Variants in ROBO2 observed in about 807,000 individuals in gnomAD.
The protein encoded by ROBO2 is roundabout homolog 2.
ROBO2 carries 53 observed loss-of-function variants against 160.8 expected under a neutral mutation model. That is an observed-to-expected ratio of 0.33 (90% CI 0.26 to 0.41). The LOEUF is 0.41. ROBO2 is among the 10% of genes least tolerant of loss of function. The probability of loss-of-function intolerance (pLI) is 1.00; values close to 1 mark genes in which losing one functional copy is unlikely to be tolerated. For synonymous variants in ROBO2, 664 were observed against 611.7 expected, an observed-to-expected ratio of 1.09 and a Z score of -1.26; for missense variants, 1,577 against 1,722.4, an observed-to-expected ratio of 0.92 and a Z score of 1.49.
At chr3:76,647,100 G>A (rs2091008292) in intron 2 of ROBO2, among the ~76,000 whole-genome samples, 1 of 152,278 alleles carries the variant, frequency 6.6e-6, no homozygotes. Context: ...AGGAGGCTGC[G>A]TTGCTCGTCT....
intron 2 of ROBO2, among the ~76,000 whole-genome samples, chr3:76,016,883 A>G (rs2066420997): frequency 6.6e-6 from 1 of 152,092 alleles, no homozygotes; most frequent in African/African-American, 2.4e-5. Flanking sequence ...ACAAATGAAG[A>G]CTAAACGTTT....
At chr3:76,177,408 T>A (rs553625002) in intron 2 of ROBO2, among the ~76,000 whole-genome samples, 1 of 152,304 alleles carries the variant, frequency 6.6e-6, no homozygotes, top group African/African-American at 2.4e-5. Flanking sequence ...AAGAATTCAA[T>A]TCCACTTAAA....
At chr3:76,290,216 C>A (rs1034343096) in intron 2 of ROBO2, among the ~76,000 whole-genome samples, 40 of 152,090 alleles carry the variant, frequency 2.6e-4, no homozygotes, top group South Asian at 2.1e-4. Flanking sequence ...TTTCTTTCAC[C>A]AGTGTTTTGT....
intron 8 of ROBO2, among the ~76,000 whole-genome samples, chr3:77,555,223 C>T (rs2093068480): frequency 6.6e-6 from 1 of 151,902 alleles, no homozygotes; most frequent in Non-Finnish European, 1.5e-5. Flanking sequence ...ATAGTGTAAA[C>T]ATAGCTTTTA....
chr3:76,442,331 T>C (rs995081927), intron 2 of ROBO2, among the ~76,000 whole-genome samples: 1 of 152,182 alleles, frequency 6.6e-6, no homozygotes, highest in Non-Finnish European at 1.5e-5. Context: ...ATCAGGATGC[T>C]CTCAAGGGTG....
At chr3:76,098,704 C>T (rs1165410234) in intron 2 of ROBO2, among the ~76,000 whole-genome samples, 1 of 152,032 alleles carries the variant, frequency 6.6e-6, no homozygotes, top group Non-Finnish European at 1.5e-5. Context: ...AATAATGGCT[C>T]TTAACAAAGT....
chr3:77,504,854 G>C (rs757462371), intron 5 of ROBO2, among the ~76,000 whole-genome samples: 14 of 152,108 alleles, frequency 9.2e-5, no homozygotes, highest in Non-Finnish European at 1.3e-4. Flanking sequence ...GCTCTTTATG[G>C]CTTCAGAAAA....
At chr3:77,248,519 G>T (rs1391447739) in intron 2 of ROBO2, among the ~76,000 whole-genome samples, 3 of 152,284 alleles carry the variant, frequency 2.0e-5, no homozygotes, top group African/African-American at 7.2e-5. Context: ...TGGGGCTTCA[G>T]GGGTCGCGAG....
chr3:77,423,422 A>G (rs1407482934), intron 2 of ROBO2, among the ~76,000 whole-genome samples: 1 of 152,218 alleles, frequency 6.6e-6, no homozygotes, highest in Admixed American at 6.5e-5. Context: ...AACATTTAAA[A>G]TAAACAATTA....
At chr3:77,331,404 G>A (rs1020462607) in intron 2 of ROBO2, among the ~76,000 whole-genome samples, 3 of 152,176 alleles carry the variant, frequency 2.0e-5, no homozygotes, top group Non-Finnish European at 4.4e-5. Flanking sequence ...GACACTTGCA[G>A]TGGGGTAGAC....
chr3:76,889,557 T>C (rs2074178061), intron 2 of ROBO2, among the ~76,000 whole-genome samples: 1 of 152,198 alleles, frequency 6.6e-6, no homozygotes, highest in Admixed American at 6.5e-5. Flanking sequence ...CTCCATTTCA[T>C]AGTGATAACA....
At chr3:76,034,733 CT>C (rs1424471945) in intron 2 of ROBO2, among the ~76,000 whole-genome samples, 3 of 152,102 alleles carry the variant, frequency 2.0e-5, no homozygotes, top group Non-Finnish European at 4.4e-5. Context: ...TCTTCAATTT[CT>C]TCCAGTGGCT....
intron 2 of ROBO2, among the ~76,000 whole-genome samples, chr3:76,408,562 G>T (rs2075330405): frequency 6.6e-6 from 1 of 152,130 alleles, no homozygotes; most frequent in South Asian, 2.1e-4. Context: ...TTCAGTAAGA[G>T]AAAGAAATTA....
chr3:76,518,405 T>G (rs1371404252), intron 2 of ROBO2, among the ~76,000 whole-genome samples: 1 of 152,144 alleles, frequency 6.6e-6, no homozygotes, highest in Non-Finnish European at 1.5e-5. Context: ...CACATCATGA[T>G]TCCCACATTC....
chr3:76,032,201 T>C (rs1413209797), intron 2 of ROBO2, among the ~76,000 whole-genome samples: 1 of 152,198 alleles, frequency 6.6e-6, no homozygotes, highest in South Asian at 2.1e-4. Context: ...TCGGTGGTGA[T>C]ATCCCCTTTA....
intron 2 of ROBO2, among the ~76,000 whole-genome samples, chr3:76,065,983 A>G (rs1353368285): frequency 4.6e-5 from 5 of 108,138 alleles, no homozygotes; most frequent in Admixed American, 4.6e-4. Context: ...CCTAAGTACA[A>G]TTTAGGATTG....
intron 2 of ROBO2, among the ~76,000 whole-genome samples, chr3:76,404,627 C>T (rs2078025043): frequency 6.7e-6 from 1 of 149,152 alleles, no homozygotes; most frequent in Non-Finnish European, 1.5e-5. Flanking sequence ...ATCTTAGGCA[C>T]ATTTTACTTT....
chr3:77,416,188 G>C (rs1199535150), intron 2 of ROBO2, among the ~76,000 whole-genome samples: 1 of 152,184 alleles, frequency 6.6e-6, no homozygotes, highest in Non-Finnish European at 1.5e-5. Flanking sequence ...GCCCGAAAGT[G>C]GGTATCCCAA....
intron 2 of ROBO2, among the ~76,000 whole-genome samples, chr3:77,100,476 T>TA (rs1476053109): frequency 5.3e-5 from 8 of 152,014 alleles, no homozygotes; most frequent in African/African-American, 1.7e-4. Context: ...GATTTTTCAC[T>TA]ACCTATTGGT....
Sources: gnomAD v4.1 joint callset for allele counts (sites outside exome capture counted in the v4.1 genomes callset) on GRCh38, gnomAD v4.1.1 for gene constraint, MANE v1.5 for transcripts, NCBI Gene and HGNC (gene_info 2026-07-23, HGNC 2026-07-21) for gene names.